PRKCD: variants seen among roughly 807,000 people sequenced by gnomAD.
PRKCD encodes the protein protein kinase C delta.
In PRKCD, 20 loss-of-function variants were observed where a neutral mutation model predicts 82.2. The observed-to-expected ratio is 0.24, with a 90% CI of 0.17 to 0.35. The LOEUF (loss-of-function observed/expected upper bound fraction) is 0.35, where lower values mean the gene tolerates loss of function less well. PRKCD is among the 10% of genes least tolerant of loss of function. The pLI is 1.00. For synonymous variants in PRKCD, 317 were observed against 337.0 expected (o/e 0.94, Z 0.65); for missense variants, 607 against 899.0 (o/e 0.68, Z 4.15).
rs1299154244 is a variant in PRKCD at position 53,169,142 on chromosome 3, G to T, written c.-20+3927G>T. On this transcript the variant is annotated intron_variant, in intron 2 of 18. Coordinates refer to ENST00000330452, the MANE Select transcript of PRKCD (RefSeq NM_006254.4). This position sits in a 1 kb window ranked among gnomAD's most constrained non-coding sequence, Gnocchi z 4.7. ...GAGCAGGGGGAGCTGTCTGGCCTGA[G>T]CCACTGCCTGAGCTCGTGCACTCCT... 2.0e-5 allele frequency among the ~76,000 whole-genome samples: 3 copies of T among 152,092 alleles called. No homozygotes were observed. Among genetic ancestry groups the T allele is most frequent in the African/African-American group, 7.2e-5 (3 of 41,388 alleles).
chr3:53,188,160 C>A (rs1456486052), intron 15 of PRKCD, among the ~76,000 whole-genome samples: 1 of 111,410 alleles, frequency 9.0e-6, no homozygotes, highest in East Asian at 3.2e-4. Flanking sequence ...TGCACTCCAG[C>A]CTGTGTGACA....
intron 18 of PRKCD, 96 bp from the exon 19 acceptor site, chr3:53,192,012 C>T: frequency 7.4e-6 from 10 of 1,346,044 alleles, no homozygotes; most frequent in Non-Finnish European, 1.0e-5. Flanking sequence ...GTGAGGACAG[C>T]TCTGGCCTGG....
rs1345410095 is a variant in PRKCD, at chr3:53,188,714, C to T, written c.1416-6C>T. On this transcript the variant is annotated splice_polypyrimidine_tract_variant and splice_region_variant and intron_variant, in intron 15 of 18. Transcript: ENST00000330452. ...CTGCTGACTCTTACCTGTCCCCTGT[C>T]CTTAGGGACCTCAAACTGGACAATG... The T allele has an allele frequency of 1.2e-6, 2 of 1,614,040 alleles. No individual in the cohort carries two copies. Among genetic ancestry groups the T allele is most frequent in the Non-Finnish European group, 8.5e-7 (1 of 1,180,016 alleles).
At chr3:53,172,164 G>A (rs782120982) in intron 2 of PRKCD, among the ~76,000 whole-genome samples, 24 of 152,220 alleles carry the variant, frequency 1.6e-4, no homozygotes, top group Non-Finnish European at 3.2e-4. Context: ...GAGGCTGGGG[G>A]ATGGGCCCTG....
At chr3:53,187,315 C>T (rs1553669442) in intron 14 of PRKCD, 25 bp from the exon 15 acceptor site, 1 of 1,613,896 alleles carries the variant, frequency 6.2e-7, no homozygotes, top group Non-Finnish European at 8.5e-7. Flanking sequence ...GATCCCGGAA[C>T]ACTTTATCCC....
chr3:53,184,819 C>T (rs1190940744), intron 9 of PRKCD, 55 bp from the exon 10 acceptor site: 4 of 1,504,248 alleles, frequency 2.7e-6, no homozygotes, highest in Non-Finnish European at 3.7e-6. Flanking sequence ...CCTACACTGC[C>T]CCCTGCCCTT....
intron 7 of PRKCD, among the ~76,000 whole-genome samples, chr3:53,182,674 C>T (rs994388029): frequency 5.3e-5 from 8 of 152,136 alleles, no homozygotes; most frequent in South Asian, 2.1e-4. Flanking sequence ...CACTGGTAGC[C>T]GCTCTGTGTA....
intron 9 of PRKCD, 21 bp downstream of exon 9, chr3:53,183,602 G>T: frequency 6.2e-7 from 1 of 1,612,324 alleles, no homozygotes; most frequent in East Asian, 2.2e-5. Flanking sequence ...CCCCGCCCCT[G>T]GGCTGCAGGA....
chr3:53,180,575 G>A (rs978617582), intron 4 of PRKCD, among the ~76,000 whole-genome samples: 7 of 152,218 alleles, frequency 4.6e-5, no homozygotes, highest in African/African-American at 1.4e-4. Flanking sequence ...AGCCTCCTGC[G>A]AGGGGTGAGG....
At chr3:53,183,680 A>C in intron 9 of PRKCD, 99 bp downstream of exon 9, 1 of 1,501,064 alleles carries the variant, frequency 6.7e-7, no homozygotes, top group Non-Finnish European at 9.0e-7. Flanking sequence ...CCTCACCTGG[A>C]GACGGGCACC....
intron 2 of PRKCD, among the ~76,000 whole-genome samples, chr3:53,171,501 C>G (rs976129995): frequency 1.3e-5 from 2 of 152,270 alleles, no homozygotes; most frequent in Non-Finnish European, 2.9e-5. Flanking sequence ...CCCCCTCACT[C>G]CCTGCTACTC....
At chr3:53,188,457 C>T (rs138452666) in intron 15 of PRKCD, among the ~76,000 whole-genome samples, 370 of 152,304 alleles carry the variant, frequency 2.4e-3, no homozygotes, top group Non-Finnish European at 3.9e-3. Context: ...GGACCCTGGG[C>T]GAGTGACATC....
chr3:53,189,198 A>G lies in PRKCD; in HGVS notation c.1695A>G (p.Pro565=). 2 of 1,614,138 alleles carry G rather than the reference A, an allele frequency of 1.2e-6. No homozygotes were observed. The highest frequency in any genetic ancestry group is 2.2e-5 in the East Asian group (1 of 44,886). The stretch of plus-strand genomic sequence containing the variant: ...TCGAGTCCATCCGTGTGGACACGCC[A>G]CATTATCCCCGCTGGATCACCAAGG... ...ELFESIRVDT[P]HYPRWITKES... is the part of the protein sequence containing the mutation. The change falls in exon 17 of 19, where the codon CCA becomes CCG. Residue 565 remains proline, a synonymous_variant. Coordinates refer to ENST00000330452, the MANE Select transcript of PRKCD (RefSeq NM_006254.4).
At chr3:53,166,215 G>A (rs1553663833) in intron 2 of PRKCD, among the ~76,000 whole-genome samples, 1 of 152,184 alleles carries the variant, frequency 6.6e-6, no homozygotes, top group Admixed American at 6.5e-5. Flanking sequence ...GTAGGAGTTG[G>A]GACAGAACAG....
intron 15 of PRKCD, 81 bp downstream of exon 15, chr3:53,187,483 TCCC>T (rs111249359): frequency 6.9e-7 from 1 of 1,457,162 alleles, no homozygotes; most frequent in Non-Finnish European, 9.5e-7. Flanking sequence ...CCAAGCAGGA[TCCC>T]CCCAACTCCA....
At chr3:53,173,275 G>A (rs541561227) in intron 2 of PRKCD, among the ~76,000 whole-genome samples, 2 of 152,234 alleles carry the variant, frequency 1.3e-5, no homozygotes, top group Admixed American at 6.5e-5. Context: ...ACCCAAGGTC[G>A]CTCTGATCAC....
Position 53,179,783 on chromosome 3 carries a change from G to A in PRKCD, c.315+7G>A, listed in dbSNP as rs1559623472. The A allele has an allele frequency of 2.6e-6, 4 of 1,554,524 alleles. No individual in the cohort carries two copies. The highest frequency in any genetic ancestry group is 2.6e-6 in the Non-Finnish European group (3 of 1,149,010). The stretch of plus-strand genomic sequence containing the variant: ...TGGCAAGGCTGAGTTCTGGGTAAGG[G>A]GCGCACGAGCCGTGCCGTGTGTGTG... On this transcript the variant is annotated splice_region_variant and intron_variant, in intron 4 of 18. Coordinates refer to ENST00000330452, the MANE Select transcript of PRKCD (RefSeq NM_006254.4).
intron 2 of PRKCD, among the ~76,000 whole-genome samples, chr3:53,168,375 G>C (rs1553664237): frequency 6.6e-6 from 1 of 152,106 alleles, no homozygotes; most frequent in Non-Finnish European, 1.5e-5. Flanking sequence ...CCAGAGGCTG[G>C]GGATGAGGAG....
chr3:53,190,566 G>T (rs1703890289), intron 18 of PRKCD, among the ~76,000 whole-genome samples: 1 of 152,204 alleles, frequency 6.6e-6, no homozygotes, highest in Admixed American at 6.5e-5. Context: ...ACAGCTGGGA[G>T]GCATTCCAGG....
Sources: gnomAD v4.1 joint callset for allele counts (sites outside exome capture counted in the v4.1 genomes callset) on GRCh38, gnomAD v4.1.1 for gene constraint, Gnocchi (gnomAD v3.1) non-coding constraint, MANE v1.5 for transcripts, NCBI Gene and HGNC (gene_info 2026-07-23, HGNC 2026-07-21) for gene names.